BMPER: variants seen among roughly 807,000 people sequenced by gnomAD.
The protein encoded by BMPER is BMP-binding endothelial regulator protein.
BMPER carries 45 observed loss-of-function variants against 87.3 expected under a neutral mutation model. The observed-to-expected ratio is 0.52, with a 90% CI of 0.41 to 0.66. BMPER has a LOEUF of 0.66. BMPER is among the 30% of genes least tolerant of loss of function. BMPER has a pLI of 0.00. For missense variants in BMPER, 784 were observed against 867.5 expected, an observed-to-expected ratio of 0.90 and a Z score of 1.21; for synonymous variants, 326 against 316.2, an observed-to-expected ratio of 1.03 and a Z score of -0.33.
chr7:33,928,292 G>T (rs890401706), intron 2 of BMPER, among the ~76,000 whole-genome samples: 4 of 152,098 alleles, frequency 2.6e-5, no homozygotes, highest in Non-Finnish European at 4.4e-5. Flanking sequence ...TGAGCACGGT[G>T]GCAGAGCTGC....
intron 3 of BMPER, among the ~76,000 whole-genome samples, chr7:33,950,768 T>C (rs1257968700): frequency 6.6e-6 from 1 of 152,134 alleles, no homozygotes; most frequent in Non-Finnish European, 1.5e-5. Context: ...AAGGGAAGGA[T>C]TGCACAAAGT....
At chr7:33,924,204 A>G (rs1562632890) in intron 2 of BMPER, among the ~76,000 whole-genome samples, 1 of 152,180 alleles carries the variant, frequency 6.6e-6, no homozygotes, top group African/African-American at 2.4e-5. Flanking sequence ...CTTACATCCC[A>G]TGTTCTATTC....
At chr7:33,939,150 T>G (rs1784685620) in intron 3 of BMPER, among the ~76,000 whole-genome samples, 1 of 152,202 alleles carries the variant, frequency 6.6e-6, no homozygotes, top group African/African-American at 2.4e-5. Flanking sequence ...ACTGGTGCCC[T>G]TCACATGCTT....
At chr7:34,023,878 G>A (rs1463830705) in intron 6 of BMPER, among the ~76,000 whole-genome samples, 1 of 151,784 alleles carries the variant, frequency 6.6e-6, no homozygotes, top group Non-Finnish European at 1.5e-5. Flanking sequence ...ACTTAATGAA[G>A]CAGACCACTG....
chr7:33,916,912 A>G (rs538520921), intron 2 of BMPER, among the ~76,000 whole-genome samples: 1 of 152,352 alleles, frequency 6.6e-6, no homozygotes, highest in South Asian at 2.1e-4. Flanking sequence ...TCTCCCAGAA[A>G]GTTTATCACA....
intron 9 of BMPER, among the ~76,000 whole-genome samples, chr7:34,057,567 C>T (rs1380324711): frequency 6.6e-6 from 1 of 152,156 alleles, no homozygotes; most frequent in Non-Finnish European, 1.5e-5. Flanking sequence ...AGCCTGTCTT[C>T]TATGCATGTC....
chr7:33,952,004 C>T (rs1262970819), intron 3 of BMPER, among the ~76,000 whole-genome samples: 1 of 152,180 alleles, frequency 6.6e-6, no homozygotes, highest in Non-Finnish European at 1.5e-5. Flanking sequence ...AAAACCACCA[C>T]AGCTTAAGTG....
chr7:33,953,790 A>G (rs879711956), intron 3 of BMPER, among the ~76,000 whole-genome samples: 6 of 152,160 alleles, frequency 3.9e-5, no homozygotes, highest in Non-Finnish European at 7.3e-5. Flanking sequence ...CCCATTAAAC[A>G]ATATCTTCTC....
At chr7:33,942,586 A>G (rs552833868) in intron 3 of BMPER, among the ~76,000 whole-genome samples, 28 of 152,266 alleles carry the variant, frequency 1.8e-4, no homozygotes, top group African/African-American at 6.3e-4. Flanking sequence ...GACCACAGCT[A>G]TCAGACAAAC....
intron 13 of BMPER, among the ~76,000 whole-genome samples, chr7:34,123,130 G>A (rs1468525245): frequency 2.0e-5 from 3 of 152,140 alleles, no homozygotes; most frequent in African/African-American, 7.2e-5. Flanking sequence ...TCATTAGACT[G>A]TAATGTGCTA....
At chr7:33,940,795 G>C (rs1392858494) in intron 3 of BMPER, among the ~76,000 whole-genome samples, 2 of 147,444 alleles carry the variant, frequency 1.4e-5, no homozygotes, top group Non-Finnish European at 3.0e-5. Flanking sequence ...TAATGTCTAG[G>C]CATGATTGTC....
chr7:33,977,345 A>G (rs1460171761), intron 6 of BMPER, among the ~76,000 whole-genome samples: 3 of 152,008 alleles, frequency 2.0e-5, no homozygotes, highest in African/African-American at 7.2e-5. Flanking sequence ...GGAGATGTTC[A>G]CTTTAGAGTG....
At chr7:34,007,692 G>A (rs1392518591) in intron 6 of BMPER, among the ~76,000 whole-genome samples, 1 of 151,808 alleles carries the variant, frequency 6.6e-6, no homozygotes, top group African/African-American at 2.4e-5. Context: ...TTACTCATAG[G>A]TATAGGGGTA....
At chr7:33,940,447 C>T (rs188401594) in intron 3 of BMPER, among the ~76,000 whole-genome samples, 334 of 152,308 alleles carry the variant, frequency 2.2e-3, no homozygotes, top group South Asian at 3.7e-3. Flanking sequence ...GGAATAAGGA[C>T]TGGAGGGAGA....
intron 6 of BMPER, among the ~76,000 whole-genome samples, chr7:33,982,951 T>A (rs1225420672): frequency 6.6e-6 from 1 of 152,146 alleles, no homozygotes; most frequent in Non-Finnish European, 1.5e-5. Context: ...GGGCTTGATT[T>A]GGACTGGGAA....
At chr7:33,958,013 G>A (rs996995633) in intron 3 of BMPER, among the ~76,000 whole-genome samples, 62 of 152,234 alleles carry the variant, frequency 4.1e-4, no homozygotes, top group East Asian at 1.7e-3. Context: ...TGAGGAGACG[G>A]AGGGTTCCAT....
chr7:33,986,382 T>C (rs1198230121), intron 6 of BMPER, among the ~76,000 whole-genome samples: 1 of 152,246 alleles, frequency 6.6e-6, no homozygotes, highest in Non-Finnish European at 1.5e-5. Flanking sequence ...TTGAGTACAG[T>C]GTCTTACACA....
chr7:33,940,354 G>C (rs1784722549), intron 3 of BMPER, among the ~76,000 whole-genome samples: 1 of 152,046 alleles, frequency 6.6e-6, no homozygotes, highest in African/African-American at 2.4e-5. Context: ...CCACATTTTT[G>C]GGCAGTTAGG....
intron 7 of BMPER, among the ~76,000 whole-genome samples, chr7:34,048,252 C>CT (rs1482628233): frequency 6.6e-6 from 1 of 152,106 alleles, no homozygotes; most frequent in East Asian, 1.9e-4. Context: ...TTTTTTAAAA[C>CT]TAGGAGCTTT....
Sources: gnomAD v4.1 joint callset for allele counts (sites outside exome capture counted in the v4.1 genomes callset) on GRCh38, gnomAD v4.1.1 for gene constraint, MANE v1.5 for transcripts, NCBI Gene and HGNC (gene_info 2026-07-23, HGNC 2026-07-21) for gene names.